PLA2G4E: variants seen among roughly 807,000 people sequenced by gnomAD.
PLA2G4E encodes cytosolic phospholipase A2 epsilon.
In PLA2G4E, 84 loss-of-function variants were observed where a neutral mutation model predicts 109.1. The observed-to-expected ratio is 0.77, with a 90% CI of 0.65 to 0.92. PLA2G4E has a LOEUF of 0.92. Ranked by LOEUF, PLA2G4E falls within the 40% of genes least tolerant of loss-of-function variation. PLA2G4E has a pLI of 0.00. For synonymous variants in PLA2G4E, 469 were observed against 436.1 expected, an observed-to-expected ratio of 1.08 and a Z score of -0.94; for missense variants, 1,057 against 1,076.6, an observed-to-expected ratio of 0.98 and a Z score of 0.25.
intron 1 of PLA2G4E, among the ~76,000 whole-genome samples, chr15:42,018,783 A>G (rs994224187): frequency 6.6e-6 from 1 of 152,106 alleles, no homozygotes; most frequent in African/African-American, 2.4e-5. Flanking sequence ...CTGGGGACCT[A>G]CTGGGGACTG....
intron 1 of PLA2G4E, among the ~76,000 whole-genome samples, chr15:42,032,861 G>C (rs1201228744): frequency 6.6e-6 from 1 of 152,216 alleles, no homozygotes; most frequent in Non-Finnish European, 1.5e-5. Flanking sequence ...GATATTTAGT[G>C]AGGGGACCGA....
chr15:42,019,382 G>C (rs77460662), intron 1 of PLA2G4E, among the ~76,000 whole-genome samples: 4,766 of 152,350 alleles, frequency 0.031, 80 homozygotes, highest in East Asian at 0.086. Flanking sequence ...GGAAGGGTCT[G>C]ACAACCACAT....
intron 1 of PLA2G4E, among the ~76,000 whole-genome samples, chr15:42,021,822 C>A (rs563751433): frequency 8.5e-5 from 13 of 152,328 alleles, no homozygotes; most frequent in African/African-American, 2.9e-4. Context: ...TTGCCTGGGG[C>A]CCCACAACCG....
intron 1 of PLA2G4E, among the ~76,000 whole-genome samples, chr15:42,014,884 CG>C (rs1566844881): frequency 2.0e-5 from 3 of 152,134 alleles, no homozygotes; most frequent in African/African-American, 7.2e-5. Flanking sequence ...GATGCCTCTG[CG>C]GGTCATGATA....
exon 15 of PLA2G4E, chr15:41,989,512 C>G (rs773417596): frequency 1.2e-6 from 2 of 1,613,924 alleles, no homozygotes; most frequent in Non-Finnish European, 1.7e-6. Context: ...AGGCCCCATA[C>G]TTCTGCAGGC....
At chr15:42,016,343 T>C (rs1320004337) in intron 1 of PLA2G4E, among the ~76,000 whole-genome samples, 1 of 151,682 alleles carries the variant, frequency 6.6e-6, no homozygotes, top group Non-Finnish European at 1.5e-5. Flanking sequence ...GGCTTAATTC[T>C]TTTTTCTTTG....
intron 5 of PLA2G4E, among the ~76,000 whole-genome samples, chr15:42,004,652 T>A (rs917123928): frequency 3.9e-5 from 6 of 152,120 alleles, no homozygotes; most frequent in African/African-American, 1.4e-4. Context: ...GAAGCCACCC[T>A]TGGGAATGTA....
intron 9 of PLA2G4E, 81 bp from the exon 10 acceptor site, chr15:41,999,642 C>G: frequency 6.5e-7 from 1 of 1,534,794 alleles, no homozygotes; most frequent in Non-Finnish European, 8.9e-7. Flanking sequence ...TCCACCCAGA[C>G]CCCACTCAGC....
chr15:42,024,561 C>T (rs1240599321), intron 1 of PLA2G4E, among the ~76,000 whole-genome samples: 6 of 152,176 alleles, frequency 3.9e-5, no homozygotes, highest in East Asian at 1.9e-4. Flanking sequence ...GCACATTCCT[C>T]CCAGAAGCCC....
At chr15:42,011,109 G>T (rs1382509774) in intron 2 of PLA2G4E, among the ~76,000 whole-genome samples, 4 of 144,226 alleles carry the variant, frequency 2.8e-5, no homozygotes, top group Non-Finnish European at 6.1e-5. Context: ...TGCCACATGT[G>T]CCTTCCGCCT....
intron 1 of PLA2G4E, among the ~76,000 whole-genome samples, chr15:42,036,768 G>A (rs1889223754): frequency 6.6e-6 from 1 of 152,162 alleles, no homozygotes; most frequent in Non-Finnish European, 1.5e-5. Flanking sequence ...CATGCTCCGC[G>A]GAGCTGGCGG....
At chr15:41,992,764 C>G (rs777020309) in exon 13 of PLA2G4E, 1 of 1,612,694 alleles carries the variant, frequency 6.2e-7, no homozygotes, top group Admixed American at 1.7e-5. Flanking sequence ...TCTCTATCAG[C>G]AGGCCCCAGA....
chr15:42,043,224 A>G (rs1052867440), intron 1 of PLA2G4E, among the ~76,000 whole-genome samples: 1 of 152,138 alleles, frequency 6.6e-6, no homozygotes, highest in African/African-American at 2.4e-5. Flanking sequence ...AGCTGCTGGA[A>G]GCATGTGGGA....
chr15:41,983,582 T>G, exon 20 of PLA2G4E: 1 of 619,658 alleles, frequency 1.6e-6, no homozygotes, highest in East Asian at 2.7e-5. Flanking sequence ...TCTCTCTTTC[T>G]GACTTTCTCA....
In PLA2G4E at chr15:42,050,675, G is replaced by C. The variant is rs919384931; in HGVS notation, c.29C>G (p.Pro10Arg). The change falls in exon 1 of 20, where the codon CCT becomes CGT. Residue 10 changes from proline to arginine, a missense_variant. Transcript: ENST00000399518. ...GACAAACACATTAGTTCCCAGGCCA[G>C]GACAGCCTTCCGAGGCCTGGAGACT... The C allele has an allele frequency of 2.6e-6, 4 of 1,550,528 alleles. No individual in the cohort carries two copies. The Admixed American group carries it at 5.9e-5, about 23-fold the overall frequency.
intron 4 of PLA2G4E, among the ~76,000 whole-genome samples, 164 bp from the exon 5 acceptor site, chr15:42,005,142 C>A (rs2068462510): frequency 6.6e-6 from 1 of 152,228 alleles, no homozygotes; most frequent in African/African-American, 2.4e-5. Context: ...CAATCTCTGT[C>A]CCCAAGTCTT....
rs371137515 is a variant in PLA2G4E at position 41,995,369 on chromosome 15, C to T, written c.1238G>A (p.Gly413Glu). 4.3e-6 allele frequency: 7 copies of T among 1,613,194 alleles called. No individual in the cohort carries two copies. In the African/African-American group the frequency reaches 8.0e-5, roughly 18 times the overall value. ...GCTCATGTCTCCTTACCAGGTGGCC[C>T]CTGATAGACCGGTGATGTAGCTGGC... Residue 413 changes from glycine to glutamate, a missense_variant, in exon 12 of 20, where the codon GGG (glycine) becomes GAG (glutamate). Transcript: ENST00000399518.
intron 1 of PLA2G4E, among the ~76,000 whole-genome samples, chr15:42,049,390 C>G (rs1889470842): frequency 6.6e-6 from 1 of 152,178 alleles, no homozygotes; most frequent in Admixed American, 6.5e-5. Context: ...GCCTCATGAC[C>G]AAATCCCCTC....
chr15:42,028,091 T>C (rs910950125), intron 1 of PLA2G4E, among the ~76,000 whole-genome samples: 9 of 152,250 alleles, frequency 5.9e-5, no homozygotes, highest in Non-Finnish European at 8.8e-5. Flanking sequence ...TCACACACGT[T>C]ACACAGATGT....
Sources: gnomAD v4.1 joint callset for allele counts (sites outside exome capture counted in the v4.1 genomes callset) on GRCh38, gnomAD v4.1.1 for gene constraint, MANE v1.5 for transcripts, NCBI Gene and HGNC (gene_info 2026-07-23, HGNC 2026-07-21) for gene names.